Variants in RIMS2 observed in about 807,000 individuals in gnomAD.
RIMS2 encodes the protein regulating synaptic membrane exocytosis protein 2.
A neutral mutation model predicts 174.4 loss-of-function variants in RIMS2; 59 were observed. That is an observed-to-expected ratio of 0.34 (90% CI 0.27 to 0.42). The LOEUF (loss-of-function observed/expected upper bound fraction) is 0.42, where lower values mean the gene tolerates loss of function less well. Among genes scored for constraint, RIMS2 ranks in the 10% least tolerant of loss-of-function variants. The pLI is 1.00. For missense variants in RIMS2, 1,620 were observed against 1,666.3 expected, an observed-to-expected ratio of 0.97 and a Z score of 0.48; for synonymous variants, 606 against 572.5, an observed-to-expected ratio of 1.06 and a Z score of -0.84.
At chr8:103,981,423 G>C (rs2093895012) in intron 16 of RIMS2, among the ~76,000 whole-genome samples, 1 of 152,146 alleles carries the variant, frequency 6.6e-6, no homozygotes, top group African/African-American at 2.4e-5. Flanking sequence ...TTCCCAAGAA[G>C]GATGGGCACA....
At chr8:103,673,454 G>C (rs778807992) in intron 1 of RIMS2, among the ~76,000 whole-genome samples, 5 of 152,210 alleles carry the variant, frequency 3.3e-5, no homozygotes, top group Non-Finnish European at 7.3e-5. Flanking sequence ...TCAAATCTAG[G>C]AGGAGGCTGC....
intron 1 of RIMS2, among the ~76,000 whole-genome samples, chr8:103,620,507 GTTT>G (rs901242738): frequency 1.3e-5 from 2 of 151,922 alleles, no homozygotes; most frequent in Non-Finnish European, 2.9e-5. Context: ...GTGAAAACCT[GTTT>G]TTTATCCATC....
Position 103,862,029 on chromosome 8 carries a change from C to T in RIMS2, c.699-23269C>T, listed in dbSNP as rs142629333. Among the ~76,000 whole-genome samples the T allele has an allele frequency of 4.7e-3, 707 of 151,954 alleles. 9 individuals carry two copies. The highest frequency in any genetic ancestry group is 0.015 in the African/African-American group (630 of 41,494). ...ATTATGTTGTATTTGCTTTTGGGCT[C>T]GTAGTCATAAATTCTTTGCCTAGGC... On this transcript the variant is annotated intron_variant, in intron 3 of 23. Coordinates refer to ENST00000504942, the Ensembl canonical transcript of RIMS2.
intron 1 of RIMS2, among the ~76,000 whole-genome samples, chr8:103,610,866 C>T (rs2095344829): frequency 6.6e-6 from 1 of 152,064 alleles, no homozygotes; most frequent in Non-Finnish European, 1.5e-5. Flanking sequence ...GGAGTTCATT[C>T]ACAATTTTCG....
At chr8:103,894,544 A>C (rs760557809) in intron 4 of RIMS2, among the ~76,000 whole-genome samples, 7 of 151,560 alleles carry the variant, frequency 4.6e-5, no homozygotes, top group Non-Finnish European at 1.0e-4. Context: ...TTATCAATCG[A>C]TATCAGTGTT....
At chr8:103,622,398 G>A (rs2095657079) in intron 1 of RIMS2, among the ~76,000 whole-genome samples, 1 of 152,064 alleles carries the variant, frequency 6.6e-6, no homozygotes, top group East Asian at 1.9e-4. Context: ...ATTTTAAAAA[G>A]ACAAACACAA....
chr8:103,728,684 G>T (rs1307793042), intron 2 of RIMS2, among the ~76,000 whole-genome samples: 2 of 139,918 alleles, frequency 1.4e-5, no homozygotes, highest in Non-Finnish European at 3.1e-5. Flanking sequence ...GTTTTTCCCT[G>T]TACAGTGTTA....
chr8:103,838,872 T>G (rs532607330), intron 3 of RIMS2, among the ~76,000 whole-genome samples: 1 of 152,308 alleles, frequency 6.6e-6, no homozygotes, highest in South Asian at 2.1e-4. Context: ...GAGACCATCC[T>G]GGCTAACACG....
At chr8:103,773,938 T>G (rs1348538849) in intron 3 of RIMS2, among the ~76,000 whole-genome samples, 1 of 152,180 alleles carries the variant, frequency 6.6e-6, no homozygotes, top group Admixed American at 6.5e-5. Context: ...GGTGAAGAGT[T>G]TGAGACTAGC....
intron 19 of RIMS2, among the ~76,000 whole-genome samples, chr8:104,091,996 G>A (rs747763391): frequency 1.2e-4 from 18 of 151,696 alleles, no homozygotes; most frequent in African/African-American, 3.6e-4. Flanking sequence ...CAATTCTCAC[G>A]TAATTTGAAT....
rs765471282 is a variant in RIMS2 at position 103,961,046 on chromosome 8, G to C, written c.2702-19G>C. The C allele has an allele frequency of 1.4e-5, 18 of 1,253,214 alleles. No homozygotes were observed. Among genetic ancestry groups the C allele is most frequent in the Non-Finnish European group, 1.9e-5 (16 of 855,740 alleles). 77.6% of individuals were successfully genotyped at this position (1,253,214 alleles called of 1,614,324 possible). The stretch of plus-strand genomic sequence containing the variant: ...TAGAGAATCAGAATTTTTAATTATT[G>C]CTATTGTTTACTTTATAGGGTCAAA... On this transcript the variant is annotated intron_variant, in intron 14 of 23. Transcript: ENST00000504942.
At chr8:104,025,031 A>G (rs2096216962) in intron 19 of RIMS2, among the ~76,000 whole-genome samples, 1 of 152,170 alleles carries the variant, frequency 6.6e-6, no homozygotes, top group African/African-American at 2.4e-5. Flanking sequence ...GGAGAAAATC[A>G]AGTGTAGGAA....
chr8:104,244,341 T>C (rs1448051331), intron 19 of RIMS2, among the ~76,000 whole-genome samples: 1 of 152,210 alleles, frequency 6.6e-6, no homozygotes, highest in East Asian at 1.9e-4. Flanking sequence ...TGTGAAACTA[T>C]TGGCAAACTA....
At chr8:103,632,602 G>T (rs1183222711) in intron 1 of RIMS2, among the ~76,000 whole-genome samples, 2 of 151,058 alleles carry the variant, frequency 1.3e-5, no homozygotes, top group Non-Finnish European at 2.9e-5. Flanking sequence ...TGTATTTTTG[G>T]TAGAGACAGG....
chr8:103,669,248 A>G (rs11996511), intron 1 of RIMS2, among the ~76,000 whole-genome samples: 9,531 of 152,166 alleles, frequency 0.063, 372 homozygotes, highest in East Asian at 0.16. Context: ...AGAGAACTGT[A>G]TAGGGAAAAC....
chr8:103,669,574 A>G (rs554397174), intron 1 of RIMS2, among the ~76,000 whole-genome samples: 28 of 152,336 alleles, frequency 1.8e-4, no homozygotes, highest in African/African-American at 6.3e-4. Context: ...CAGTGGGAGT[A>G]TAGGCATTGG....
chr8:104,195,957 G>A (rs1462518918), intron 19 of RIMS2, among the ~76,000 whole-genome samples: 3 of 152,086 alleles, frequency 2.0e-5, no homozygotes, highest in Admixed American at 2.0e-4. Flanking sequence ...AACTTACATA[G>A]TTGTAGAGAT....
intron 1 of RIMS2, among the ~76,000 whole-genome samples, chr8:103,595,297 C>G (rs997090655): frequency 8.6e-5 from 13 of 151,752 alleles, no homozygotes; most frequent in Non-Finnish European, 1.0e-4. Flanking sequence ...AACACATATT[C>G]TAGTTTATGT....
chr8:104,007,942 A>AT, intron 17 of RIMS2, among the ~76,000 whole-genome samples: 1 of 152,140 alleles, frequency 6.6e-6, no homozygotes. Context: ...AGGGATTTGT[A>AT]TTATACCCAT....
Sources: allele counts gnomAD v4.1 joint callset (sites outside exome capture counted in the v4.1 genomes callset), GRCh38; gene constraint gnomAD v4.1.1; transcripts MANE v1.5; gene names NCBI Gene and HGNC (gene_info 2026-07-23, HGNC 2026-07-21).